CHD6: variants seen among roughly 807,000 people sequenced by gnomAD.
The protein encoded by CHD6 is ATP-dependent chromatin remodeler CHD6.
Under a neutral mutation model 276.9 loss-of-function variants are expected in CHD6, and 50 were observed. The observed-to-expected ratio is 0.18, with a 90% CI of 0.14 to 0.23. CHD6 has a LOEUF of 0.23. Ranked by LOEUF, CHD6 falls within the 10% of genes least tolerant of loss-of-function variation. The pLI is 1.00. For missense variants in CHD6, 2,564 were observed against 3,365.8 expected, an observed-to-expected ratio of 0.76 and a Z score of 5.89; for synonymous variants, 1,173 against 1,229.3, an observed-to-expected ratio of 0.95 and a Z score of 0.96.
chr20:41,491,601 C>T (rs147077568), intron 11 of CHD6, 97 bp downstream of exon 11: 2 of 1,376,894 alleles, frequency 1.5e-6, no homozygotes, highest in African/African-American at 2.9e-5. Flanking sequence ...CCATGCTGCT[C>T]CCTCTCACCA....
intron 1 of CHD6, among the ~76,000 whole-genome samples, chr20:41,551,957 C>T (rs986359939): frequency 6.6e-6 from 1 of 152,096 alleles, no homozygotes; most frequent in South Asian, 2.1e-4. Context: ...AGGACATAAG[C>T]CCCCATCCCC....
At chr20:41,490,106 A>G in intron 11 of CHD6, 85 bp from the exon 12 acceptor site, 2 of 1,094,996 alleles carry the variant, frequency 1.8e-6, no homozygotes, top group African/African-American at 1.6e-5. Context: ...GATGCTTCAC[A>G]TACCTGTAAG....
intron 5 of CHD6, among the ~76,000 whole-genome samples, chr20:41,499,911 A>T (rs1302175682): frequency 6.6e-6 from 1 of 152,180 alleles, no homozygotes; most frequent in East Asian, 1.9e-4. Flanking sequence ...ATTAAATTGT[A>T]CCATCTTTCC....
chr20:41,569,175 A>G lies in CHD6; in HGVS notation c.-23-17815T>C, dbSNP rs577254269. Among the ~76,000 whole-genome samples, 4 of 152,328 alleles carry G rather than the reference A, an allele frequency of 2.6e-5. No homozygotes were observed. In the South Asian group the frequency reaches 8.3e-4, roughly 32 times the overall value. Reference sequence around the variant, plus strand: ...AATGATGAGGCAGGTGGCTAGCAATAGGATCCTCCTGCCAAACAAAAAATG... The same window carrying G: ...AATGATGAGGCAGGTGGCTAGCAATGGGATCCTCCTGCCAAACAAAAAATG... On this transcript the variant is annotated intron_variant, in intron 1 of 36. Transcript: ENST00000373233.
At chr20:41,458,869 C>A (rs1488515142) in intron 17 of CHD6, among the ~76,000 whole-genome samples, 1 of 152,116 alleles carries the variant, frequency 6.6e-6, no homozygotes, top group Non-Finnish European at 1.5e-5. Flanking sequence ...GTGAGCCCTG[C>A]AGGTATCACT....
chr20:41,408,635 T>C (rs992083712), intron 36 of CHD6, among the ~76,000 whole-genome samples: 2 of 152,074 alleles, frequency 1.3e-5, no homozygotes, highest in African/African-American at 4.8e-5. Context: ...TGACCACATA[T>C]CTTTCTGAGC....
chr20:41,419,575 A>AAAG (rs2047117803), intron 31 of CHD6, among the ~76,000 whole-genome samples: 5 of 143,824 alleles, frequency 3.5e-5, no homozygotes, highest in African/African-American at 1.1e-4. Flanking sequence ...AAAAAAAAAA[A>AAAG]AAAAAAAAAA....
rs2048199095 is a variant in CHD6, at chr20:41,450,370, C to T, written c.3683+576G>A. ...TACATTGCACAGTGGTGCAAATATC[C>T]ACATGCAAACTTGCCATTGTTTTGT... On this transcript the variant is annotated intron_variant, in intron 23 of 36. Transcript: ENST00000373233. Among the ~76,000 whole-genome samples the T allele has an allele frequency of 2.0e-5, 3 of 152,066 alleles. 1 individual carries two copies.
chr20:41,566,901 T>C (rs1010262742), intron 1 of CHD6, among the ~76,000 whole-genome samples: 9 of 152,106 alleles, frequency 5.9e-5, no homozygotes, highest in Non-Finnish European at 1.0e-4. Flanking sequence ...ATGGGGTGAA[T>C]AGGAGGTAAC....
intron 35 of CHD6, among the ~76,000 whole-genome samples, chr20:41,412,777 C>T (rs1339834687): frequency 6.6e-6 from 1 of 152,162 alleles, no homozygotes; most frequent in Non-Finnish European, 1.5e-5. Flanking sequence ...CTCGAGTCCT[C>T]TCCTAAAAAT....
At chr20:41,456,995 G>C (rs115388166) in intron 18 of CHD6, among the ~76,000 whole-genome samples, 120 of 152,216 alleles carry the variant, frequency 7.9e-4, no homozygotes, top group African/African-American at 2.8e-3. Context: ...GCTTCTAACG[G>C]GCACAGTTAA....
chr20:41,584,924 C>G (rs1434712854), intron 1 of CHD6, among the ~76,000 whole-genome samples: 1 of 151,834 alleles, frequency 6.6e-6, no homozygotes, highest in African/African-American at 2.4e-5. Flanking sequence ...CCAAAGGAAG[C>G]AGAAGAAATC....
chr20:41,515,051 AC>A, intron 3 of CHD6, 99 bp from the exon 4 acceptor site: 1 of 1,296,334 alleles, frequency 7.7e-7, no homozygotes, highest in Non-Finnish European at 1.1e-6. Context: ...GAATTCTAGG[AC>A]CAGGGCAGGC....
chr20:41,470,311 A>T (rs1023546361), intron 17 of CHD6, among the ~76,000 whole-genome samples: 2 of 151,684 alleles, frequency 1.3e-5, no homozygotes, highest in African/African-American at 2.4e-5. Flanking sequence ...AAACTGCTCT[A>T]CATTTCTCAA....
intron 5 of CHD6, among the ~76,000 whole-genome samples, chr20:41,500,786 C>A (rs927159899): frequency 1.3e-5 from 2 of 151,896 alleles, no homozygotes; most frequent in Non-Finnish European, 2.9e-5. Flanking sequence ...AATGCATAAT[C>A]AATAGGTATT....
intron 19 of CHD6, among the ~76,000 whole-genome samples, chr20:41,455,366 G>A (rs1274422578): frequency 6.6e-6 from 1 of 152,158 alleles, no homozygotes; most frequent in Admixed American, 6.5e-5. Context: ...TAGAAGCTGG[G>A]AATTTTACGT....
chr20:41,411,569 GGT>G (rs2046841490), intron 36 of CHD6, among the ~76,000 whole-genome samples: 1 of 152,124 alleles, frequency 6.6e-6, no homozygotes, highest in African/African-American at 2.4e-5. Flanking sequence ...GCCCTCTAGA[GGT>G]TATGACTTTT....
chr20:41,537,365 T>G (rs2146093587), intron 2 of CHD6, among the ~76,000 whole-genome samples: 1 of 152,342 alleles, frequency 6.6e-6, no homozygotes, highest in African/African-American at 2.4e-5. Flanking sequence ...CAACTATTTA[T>G]GTAGCATTTG....
At chr20:41,564,242 G>A (rs142517883) in intron 1 of CHD6, 37 of 578,064 alleles carry the variant, frequency 6.4e-5, no homozygotes, top group Admixed American at 6.1e-4. Context: ...AAATGATCTA[G>A]ATGACATTTT....
Sources: allele counts gnomAD v4.1 joint callset (sites outside exome capture counted in the v4.1 genomes callset), GRCh38; gene constraint gnomAD v4.1.1; transcripts MANE v1.5; gene names NCBI Gene and HGNC (gene_info 2026-07-23, HGNC 2026-07-21).